ROBO2: variants seen among roughly 807,000 people sequenced by gnomAD.
ROBO2 encodes roundabout homolog 2.
A neutral mutation model predicts 160.8 loss-of-function variants in ROBO2; 53 were observed. The observed-to-expected ratio is 0.33, with a 90% CI of 0.26 to 0.41. ROBO2 has a LOEUF of 0.41. Among genes scored for constraint, ROBO2 ranks in the 10% least tolerant of loss-of-function variants. ROBO2 has a pLI of 1.00. For synonymous variants in ROBO2, 664 were observed against 611.7 expected (o/e 1.09, Z -1.26); for missense variants, 1,577 against 1,722.4 (o/e 0.92, Z 1.49).
intron 2 of ROBO2, among the ~76,000 whole-genome samples, chr3:76,391,218 T>A (rs755709169): frequency 1.3e-5 from 2 of 152,148 alleles, no homozygotes; most frequent in Non-Finnish European, 2.9e-5. Flanking sequence ...GCCGTATACA[T>A]CTGGCCATAG....
chr3:76,827,813 G>T (rs2109261207), intron 2 of ROBO2, among the ~76,000 whole-genome samples: 1 of 151,702 alleles, frequency 6.6e-6, no homozygotes, highest in East Asian at 1.9e-4. Flanking sequence ...AAAAAAAAAA[G>T]TCATTATGCT....
At chr3:77,399,730 A>G (rs1441862521) in intron 2 of ROBO2, among the ~76,000 whole-genome samples, 2 of 152,128 alleles carry the variant, frequency 1.3e-5, no homozygotes, top group Non-Finnish European at 2.9e-5. Flanking sequence ...GTGCCTGTGT[A>G]TGGATCCAGA....
chr3:76,582,000 G>A (rs1289372892), intron 2 of ROBO2, among the ~76,000 whole-genome samples: 15 of 152,120 alleles, frequency 9.9e-5, no homozygotes, highest in Non-Finnish European at 2.9e-5. Context: ...GAGTCATTCT[G>A]AAGAAGACAC....
At chr3:77,546,794 C>T (rs779838361) in intron 7 of ROBO2, among the ~76,000 whole-genome samples, 8 of 151,974 alleles carry the variant, frequency 5.3e-5, no homozygotes, top group East Asian at 1.9e-4. Flanking sequence ...TATTGAGATA[C>T]GTGGTGTGAT....
In ROBO2 at chr3:76,108,649, GA is replaced by G. The variant is rs1453505742; in HGVS notation, c.109+171049del. ...TTCTTCATAGTTAATGAAGAAGTGAGAATAATATCTGACATTACTATATTCA... is the reference window on the plus strand; with the variant it reads ...TTCTTCATAGTTAATGAAGAAGTGAGATAATATCTGACATTACTATATTCA... On this transcript the variant is annotated intron_variant, in intron 2 of 26. Coordinates refer to the ROBO2 transcript ENST00000487694. Among the ~76,000 whole-genome samples, 3 of 151,464 alleles carry G rather than the reference GA, an allele frequency of 2.0e-5. No homozygotes were observed. The East Asian group carries it at 5.8e-4, about 29-fold the overall frequency.
At chr3:77,434,430 T>C (rs370189969) in intron 2 of ROBO2, among the ~76,000 whole-genome samples, 1 of 152,174 alleles carries the variant, frequency 6.6e-6, no homozygotes, top group Admixed American at 6.6e-5. Context: ...AAGAGCTGTA[T>C]AGTTCTGTTT....
chr3:76,769,280 A>G (rs2061747136), intron 2 of ROBO2, among the ~76,000 whole-genome samples: 1 of 151,418 alleles, frequency 6.6e-6, no homozygotes, highest in African/African-American at 2.4e-5. Context: ...TTATGTGGGG[A>G]TCTTGTTAAA....
intron 2 of ROBO2, among the ~76,000 whole-genome samples, chr3:76,227,088 TA>T (rs1171000499): frequency 1.3e-5 from 2 of 152,208 alleles, no homozygotes; most frequent in African/African-American, 4.8e-5. Context: ...ACTGGCTCAC[TA>T]CAGTGAATCT....
At chr3:77,610,536 C>T (rs2094607561) in intron 21 of ROBO2, among the ~76,000 whole-genome samples, 1 of 151,812 alleles carries the variant, frequency 6.6e-6, no homozygotes, top group Admixed American at 6.6e-5. Flanking sequence ...AATCTAGAAT[C>T]ATTTACTCAC....
At position 75,959,220 on chromosome 3, in the gene ROBO2, T is replaced by C. The variant is rs191272552; in HGVS notation, c.109+21618T>C. On this transcript the variant is annotated intron_variant, in intron 2 of 26. Coordinates refer to the ROBO2 transcript ENST00000487694. ...TTTTTGCCAAACTAACCATTCTGTG[T>C]AATTTTGTAGCATTTTGGGTTGATG... 1.5e-3 allele frequency among the ~76,000 whole-genome samples: 235 copies of C among 151,944 alleles called. 2 individuals are homozygous for C. Among genetic ancestry groups the C allele is most frequent in the African/African-American group, 5.5e-3 (229 of 41,522 alleles).
At chr3:77,643,882 T>G (rs906165092) in intron 24 of ROBO2, among the ~76,000 whole-genome samples, 5 of 152,146 alleles carry the variant, frequency 3.3e-5, no homozygotes, top group African/African-American at 9.7e-5. Context: ...CCATTCAGGC[T>G]GTGAGAGAAA....
chr3:77,284,100 T>A (rs954981933), intron 2 of ROBO2, among the ~76,000 whole-genome samples: 2 of 152,164 alleles, frequency 1.3e-5, no homozygotes, highest in African/African-American at 4.8e-5. Flanking sequence ...ACCTTGTACC[T>A]GTTTTTGGGA....
intron 2 of ROBO2, among the ~76,000 whole-genome samples, chr3:77,298,220 GAA>G (rs1277133817): frequency 6.6e-6 from 1 of 152,114 alleles, no homozygotes; most frequent in African/African-American, 2.4e-5. Flanking sequence ...TTAAAACTTA[GAA>G]TAAGTACTGA....
chr3:77,584,892 A>ATGTGTGTG lies in ROBO2; in HGVS notation c.2501-3847_2501-3840dup, dbSNP rs71104693. Among the ~76,000 whole-genome samples the ATGTGTGTG allele has an allele frequency of 2.3e-3, 342 of 147,340 alleles. 1 individual carries two copies. Among genetic ancestry groups the ATGTGTGTG allele is most frequent in the African/African-American group, 8.1e-3 (327 of 40,398 alleles). Reference sequence around the variant, plus strand: ...CACTTAAGAAGTTATATATATATGTATGTGTGTGTGTGTGTGTGTATACAC... The same window carrying ATGTGTGTG: ...CACTTAAGAAGTTATATATATATGTATGTGTGTGTGTGTGTGTGTGTGTGTGTATACAC... On this transcript the variant is annotated intron_variant, in intron 16 of 25. Coordinates refer to ENST00000461745, the Ensembl canonical transcript of ROBO2.
chr3:76,541,443 AT>A lies in ROBO2; in HGVS notation c.110-556563del, dbSNP rs557414468. Among the ~76,000 whole-genome samples, 1,097 of 152,018 alleles carry A rather than the reference AT, an allele frequency of 7.2e-3. 4 individuals carry two copies. Among genetic ancestry groups the A allele is most frequent in the Middle Eastern group, 0.014 (4 of 294 alleles). On this transcript the variant is annotated intron_variant, in intron 2 of 26. Transcript: ENST00000487694. ...CAAATTTCTCACATACCTAAGATGT[AT>A]TTTTTTTAATTGCTGAAGAGGTGTT...
At chr3:77,137,510 G>C (rs2076374335) in intron 2 of ROBO2, among the ~76,000 whole-genome samples, 2 of 152,372 alleles carry the variant, frequency 1.3e-5, no homozygotes, top group African/African-American at 4.8e-5. Flanking sequence ...ACAGGCGTGA[G>C]CCAGGGCCCC....
chr3:76,977,852 T>A (rs2059889616), intron 2 of ROBO2, among the ~76,000 whole-genome samples: 1 of 152,208 alleles, frequency 6.6e-6, no homozygotes, highest in Admixed American at 6.5e-5. Flanking sequence ...GGGAAAATCA[T>A]CTGTAAATTT....
chr3:76,957,750 G>A (rs2079375991), intron 2 of ROBO2, among the ~76,000 whole-genome samples: 1 of 151,564 alleles, frequency 6.6e-6, no homozygotes. Context: ...AGAATCGCTT[G>A]AACCCAGGAG....
rs10637272 is a variant in ROBO2 at position 77,524,282 on chromosome 3, A to AATATAT, written c.934+1391_934+1396dup. ...AAGGACTATGATCATATATGAATTG[A>AATATAT]ATATATATATATATATGGATTATGT... On this transcript the variant is annotated intron_variant, in intron 6 of 25. Coordinates refer to ENST00000461745, the Ensembl canonical transcript of ROBO2. Among the ~76,000 whole-genome samples the AATATAT allele has an allele frequency of 8.6e-3, 1,279 of 148,416 alleles. 8 individuals carry two copies. The highest frequency in any genetic ancestry group is 0.011 in the Non-Finnish European group (758 of 66,536).
Sources: gnomAD v4.1 joint callset for allele counts (sites outside exome capture counted in the v4.1 genomes callset) on GRCh38, gnomAD v4.1.1 for gene constraint, MANE v1.5 for transcripts, NCBI Gene and HGNC (gene_info 2026-07-23, HGNC 2026-07-21) for gene names.